The following SPRYD3 variants were observed in gnomAD, a reference collection of about 807,000 sequenced individuals.
SPRYD3 encodes SPRY domain-containing protein 3.
A neutral mutation model predicts 50.1 loss-of-function variants in SPRYD3; 17 were observed. The observed-to-expected ratio is 0.34, with a 90% CI of 0.23 to 0.51. SPRYD3 has a LOEUF of 0.51. SPRYD3 is among the 20% of genes least tolerant of loss of function. The pLI is 0.97. For synonymous variants in SPRYD3, 198 were observed against 215.5 expected (o/e 0.92, Z 0.71); for missense variants, 401 against 591.2 (o/e 0.68, Z 3.34).
Position 53,064,484 on chromosome 12 carries a change from C to G in SPRYD3, c.*1348G>C, listed in dbSNP as rs1312036789. 6.6e-6 allele frequency: 1 copy of G among 152,660 alleles called. No homozygotes were observed. Among genetic ancestry groups the G allele is most frequent in the Non-Finnish European group, 1.5e-5 (1 of 68,240 alleles). The allele number at this position is 152,660 out of a possible 1,614,324, so 9.5% of individuals were successfully genotyped here. A position where few individuals can be genotyped will look rare whatever the true frequency, so the allele number is the denominator to read the frequency against. ...CCCATGGAACATATGATTCCCATCCCTGGCCCAACATTGGTCCACATCTCC... is the reference window on the plus strand; with the variant it reads ...CCCATGGAACATATGATTCCCATCCGTGGCCCAACATTGGTCCACATCTCC... On this transcript the variant is annotated 3_prime_UTR_variant, in exon 11 of 11. Transcript: ENST00000301463.
At chr12:53,066,060 CA>C in intron 10 of SPRYD3, 94 bp from the exon 11 acceptor site, 2 of 1,498,310 alleles carry the variant, frequency 1.3e-6, no homozygotes, top group Non-Finnish European at 1.8e-6. Flanking sequence ...CCAATCACCC[CA>C]GCTTCCAGCG....
Position 53,075,108 on chromosome 12 carries a change from C to T in SPRYD3, c.358G>A (p.Ala120Thr). 1 of 1,613,408 alleles carries T rather than the reference C, an allele frequency of 6.2e-7. No homozygotes were observed. The highest frequency in any genetic ancestry group is 8.5e-7 in the Non-Finnish European group (1 of 1,179,358). Reference sequence around the variant, plus strand: ...GAGCCAACTCACTTGCCATCATCAGCATGGTAGGCTACAGAGTCAGGCAAC... The same window carrying T: ...GAGCCAACTCACTTGCCATCATCAGTATGGTAGGCTACAGAGTCAGGCAAC... The part of the protein sequence containing the change: ...GWLPDSVAYH[A>T]DDGKLYNGRA... The change falls in exon 4 of 11, where the codon GCT becomes ACT. Residue 120 changes from alanine (A) to threonine (T), a missense_variant. Ala to Thr is a moderately conservative substitution (Grantham distance 58, BLOSUM62 0). Transcript: ENST00000301463.
Position 53,073,343 on chromosome 12 carries a change from C to A in SPRYD3, c.636G>T (p.Met212Ile). The change falls in exon 6 of 11, where the codon ATG (methionine) becomes ATT (isoleucine). Residue 212 changes from methionine to isoleucine, a missense_variant. By Grantham distance (10) the Met-to-Ile change is conservative (BLOSUM62 1). Transcript: ENST00000301463. ...CCCATTCATCCTCGTAACTGTCCAC[C>A]ATCATGACGCTGTCGTCCTCACGGC... ...ELGREDDSVM[M>I]VDSYEDEWGR... 6.3e-7 allele frequency: 1 copy of A among 1,583,826 alleles called. No homozygotes were observed. Among genetic ancestry groups the A allele is most frequent in the East Asian group, 2.3e-5 (1 of 43,144 alleles).
At position 53,073,487 on chromosome 12, in the gene SPRYD3, A is replaced by G. The variant is rs1428504137; in HGVS notation, c.508-16T>C. On this transcript the variant is annotated splice_polypyrimidine_tract_variant and intron_variant, in intron 5 of 10. Transcript: ENST00000301463. ...TAGAGCCCACCTGCAGTGGGGGGAA[A>G]GACGGAGCTGCCACCCGGCCTGCTT... is the stretch of plus-strand genomic sequence containing the variant. 7.3e-6 allele frequency: 11 copies of G among 1,517,120 alleles called. No individual in the cohort carries two copies. Among genetic ancestry groups the G allele is most frequent in the Non-Finnish European group, 9.8e-6 (11 of 1,121,470 alleles). The allele number at this position is 1,517,120 out of a possible 1,614,324, so 94.0% of individuals were successfully genotyped here.
At chr12:53,067,551 A>G (rs1392437253) in intron 8 of SPRYD3, 97 bp downstream of exon 8, 4 of 1,188,748 alleles carry the variant, frequency 3.4e-6, no homozygotes, top group Non-Finnish European at 5.0e-6. Flanking sequence ...GGCAAACAGC[A>G]AGGCCATTTG....
intron 5 of SPRYD3, 74 bp from the exon 6 acceptor site, chr12:53,073,545 T>C (rs979739661): frequency 1.6e-6 from 2 of 1,287,664 alleles, no homozygotes; most frequent in South Asian, 1.5e-5. Flanking sequence ...ACAAGGGTAC[T>C]TTTAAGATGA....
In SPRYD3 at chr12:53,067,766, G is replaced by T. The variant is rs74611214; in HGVS notation, c.844-61C>A. ...ATGCATAAACAAGACAGGAGAGAGT[G>T]GCGAGTAGCATCTGAACCTCTGGGA... On this transcript the variant is annotated intron_variant, in intron 7 of 10. Transcript: ENST00000301463. The T allele has an allele frequency of 4.2e-3, 6,264 of 1,489,942 alleles. 238 individuals are homozygous for T. The East Asian group carries it at 0.095, about 23-fold the overall frequency. 92.3% of individuals were successfully genotyped at this position (1,489,942 alleles called of 1,614,324 possible).
chr12:53,076,999 C>A (rs1450485697), intron 2 of SPRYD3, 116 bp downstream of exon 2: 62 of 978,870 alleles, frequency 6.3e-5, no homozygotes, highest in Non-Finnish European at 9.0e-5. Flanking sequence ...CATCGCCCTT[C>A]CCTGTGCAGT....
Position 53,064,806 on chromosome 12 carries a change from G to C in SPRYD3, c.*1026C>G, listed in dbSNP as rs1028434444. The C allele has an allele frequency of 1.3e-5, 2 of 152,992 alleles. No individual in the cohort carries two copies. The highest frequency in any genetic ancestry group is 2.1e-4 in the South Asian group (1 of 4,834). The allele number at this position is 152,992 out of a possible 1,614,324, so 9.5% of individuals were successfully genotyped here. ...TCCTCCCTGGAAAAGTCACTGTTAC[G>C]GGGAGGGGGCCAGGGGTTGAAGGAT... On this transcript the variant is annotated 3_prime_UTR_variant, in exon 11 of 11. Transcript: ENST00000301463.
chr12:53,072,359 TC>T (rs761250061), intron 6 of SPRYD3, among the ~76,000 whole-genome samples: 2 of 152,120 alleles, frequency 1.3e-5, no homozygotes, highest in South Asian at 4.1e-4. Flanking sequence ...TGGCTCCTAA[TC>T]CGCTCCCACC....
rs1944493495 is a variant in SPRYD3 at position 53,065,281 on chromosome 12, G to A, written c.*551C>T. The A allele has an allele frequency of 2.0e-5, 3 of 152,982 alleles. No individual in the cohort carries two copies. The Admixed American group carries it at 2.0e-4, about 10-fold the overall frequency. The allele number at this position is 152,982 out of a possible 1,614,324, so 9.5% of individuals were successfully genotyped here. The stretch of plus-strand genomic sequence containing the variant: ...CAAGGGAAAGATGGAGAGCCTAGAG[G>A]AGTCTTCCTGGGGCAGCAGCCAGTG... On this transcript the variant is annotated 3_prime_UTR_variant, in exon 11 of 11. Coordinates refer to ENST00000301463, the MANE Select transcript of SPRYD3 (RefSeq NM_032840.3).
Position 53,074,641 on chromosome 12 carries a change from C to T in SPRYD3, c.507+8G>A, listed in dbSNP as rs202158797. 17 of 1,614,120 alleles carry T rather than the reference C, an allele frequency of 1.1e-5. No individual in the cohort carries two copies. Among genetic ancestry groups the T allele is most frequent in the Admixed American group, 3.3e-5 (2 of 60,014 alleles). On this transcript the variant is annotated splice_region_variant and intron_variant, in intron 5 of 10. Coordinates refer to ENST00000301463, the MANE Select transcript of SPRYD3 (RefSeq NM_032840.3). The surrounding 1 kb of genome is among the most constrained non-coding windows in gnomAD (Gnocchi z 4.6). ...GCCACGTAAATCCCACCACTATTTC[C>T]CACTCACCCGCTTCCCATTTTTGGT...
chr12:53,074,309 T>G lies in SPRYD3; in HGVS notation c.507+340A>C, dbSNP rs1265809151. On this transcript the variant is annotated intron_variant, in intron 5 of 10. Coordinates refer to ENST00000301463, the MANE Select transcript of SPRYD3 (RefSeq NM_032840.3). The surrounding 1 kb of genome is among the most constrained non-coding windows in gnomAD (Gnocchi z 4.6). ...CAAAACCCAAAGAGGACCTCCAGCT[T>G]ACATGGCCAGGCCATAATCTTCCCC... 6.6e-6 allele frequency among the ~76,000 whole-genome samples: 1 copy of G among 152,184 alleles called. No homozygotes were observed. Among genetic ancestry groups the G allele is most frequent in the Non-Finnish European group, 1.5e-5 (1 of 68,020 alleles).
rs1592266475 is a variant in SPRYD3, at chr12:53,074,771, G to A, written c.385C>T (p.Arg129Ter). ...HADDGKLYNG[R>*]AKGRQFGSKC... ...GACCCAAACTGGCGGCCCTTGGCTCGGCCATTGTACAGCCTACAGACAGAG... is the reference window on the plus strand; with the variant it reads ...GACCCAAACTGGCGGCCCTTGGCTCAGCCATTGTACAGCCTACAGACAGAG... The change falls in exon 5 of 11, where the codon CGA (arginine) becomes TGA (stop). Residue 129 changes from arginine to a stop codon, truncating the protein, a stop_gained. Transcript: ENST00000301463. LOFTEE classifies it high-confidence loss of function. This position sits in a 1 kb window ranked among gnomAD's most constrained non-coding sequence, Gnocchi z 4.6. 1 of 1,614,220 alleles carries A rather than the reference G, an allele frequency of 6.2e-7. No individual in the cohort carries two copies. The highest frequency in any genetic ancestry group is 1.3e-5 in the African/African-American group (1 of 75,048).
intron 6 of SPRYD3, among the ~76,000 whole-genome samples, chr12:53,069,266 C>T (rs7301092): frequency 2.6e-5 from 4 of 152,200 alleles, no homozygotes; most frequent in Admixed American, 6.5e-5. Flanking sequence ...CTGCCCCTCA[C>T]GACTTTCTTC....
chr12:53,076,697 C>A (rs996432232), intron 2 of SPRYD3, among the ~76,000 whole-genome samples: 1 of 152,182 alleles, frequency 6.6e-6, no homozygotes, highest in South Asian at 2.1e-4. Flanking sequence ...ACACACTGCT[C>A]CACTCAGAAA....
chr12:53,078,236 C>G, intron 1 of SPRYD3: 1 of 336,366 alleles, frequency 3.0e-6, no homozygotes, highest in Non-Finnish European at 6.1e-6. Flanking sequence ...CGTCTGTGAT[C>G]CCAGCACTTT....
intron 6 of SPRYD3, among the ~76,000 whole-genome samples, chr12:53,071,105 C>T (rs1310200444): frequency 6.6e-6 from 1 of 152,172 alleles, no homozygotes; most frequent in African/African-American, 2.4e-5. Flanking sequence ...ACCCTAATCC[C>T]TCTTGACAGG....
chr12:53,079,232 C>A, intron 1 of SPRYD3, 79 bp downstream of exon 1: 2 of 1,463,234 alleles, frequency 1.4e-6, no homozygotes, highest in South Asian at 2.4e-5. Context: ...CCAGAGCCCC[C>A]GCCCAGGACC....
Sources: allele counts gnomAD v4.1 joint callset (sites outside exome capture counted in the v4.1 genomes callset), GRCh38; gene constraint gnomAD v4.1.1; non-coding constraint Gnocchi (gnomAD v3.1); transcripts MANE v1.5; gene names NCBI Gene and HGNC (gene_info 2026-07-23, HGNC 2026-07-21).